Variants in SLC12A1 observed in about 807,000 individuals in gnomAD.
The protein encoded by SLC12A1 is solute carrier family 12 member 1.
SLC12A1 carries 89 observed loss-of-function variants against 130.4 expected under a neutral mutation model. The observed-to-expected ratio is 0.68, with a 90% CI of 0.58 to 0.81. SLC12A1 has a LOEUF of 0.81. Among genes scored for constraint, SLC12A1 ranks in the 40% least tolerant of loss-of-function variants. The pLI, the probability that SLC12A1 is intolerant of heterozygous loss-of-function variation, is 0.00. For synonymous variants in SLC12A1, 499 were observed against 460.0 expected (o/e 1.08, Z -1.09); for missense variants, 1,310 against 1,336.4 (o/e 0.98, Z 0.31).
chr15:48,285,718 A>G (rs2042049678), intron 21 of SLC12A1, among the ~76,000 whole-genome samples: 1 of 152,226 alleles, frequency 6.6e-6, no homozygotes, highest in Non-Finnish European at 1.5e-5. Context: ...ACCAGAATGC[A>G]CGACTTAGAA....
intron 24 of SLC12A1, among the ~76,000 whole-genome samples, chr15:48,297,960 T>C (rs2042195291): frequency 6.6e-6 from 1 of 152,262 alleles, no homozygotes; most frequent in Non-Finnish European, 1.5e-5. Flanking sequence ...ATCAGTCTTA[T>C]TCTTTCCCTG....
At chr15:48,293,084 T>G (rs1327223001) in intron 24 of SLC12A1, among the ~76,000 whole-genome samples, 2 of 151,754 alleles carry the variant, frequency 1.3e-5, no homozygotes, top group African/African-American at 2.4e-5. Flanking sequence ...CCTGGCTAAT[T>G]TTTTGGTAGA....
chr15:48,237,093 G>A, intron 9 of SLC12A1: 1 of 691,946 alleles, frequency 1.4e-6, no homozygotes, highest in Non-Finnish European at 2.6e-6. Flanking sequence ...AGAATCAAGT[G>A]CAAAGGAAAG....
At chr15:48,234,562 G>A (rs2041417487) in intron 8 of SLC12A1, among the ~76,000 whole-genome samples, 1 of 152,018 alleles carries the variant, frequency 6.6e-6, no homozygotes. Context: ...GGCCCACATG[G>A]TGAAACCCCA....
At chr15:48,247,054 C>A (rs1455541481) in intron 12 of SLC12A1, 38 bp downstream of exon 12, 16 of 1,436,748 alleles carry the variant, frequency 1.1e-5, no homozygotes, top group Non-Finnish European at 1.6e-5. Flanking sequence ...CTCCCTATTG[C>A]TATTTCCACA....
At chr15:48,273,100 C>CA (rs58343718) in intron 19 of SLC12A1, among the ~76,000 whole-genome samples, 3,948 of 81,748 alleles carry the variant, frequency 0.048, 124 homozygotes, top group East Asian at 0.11. Flanking sequence ...GTCAGACTGT[C>CA]AAAAAAAAAA....
rs758402841 is a variant in SLC12A1 at position 48,295,075 on chromosome 15, CTT to C, written c.2960+3226_2960+3227del. Among the ~76,000 whole-genome samples, 658 of 136,134 alleles carry C rather than the reference CTT, an allele frequency of 4.8e-3. 7 individuals carry two copies. In the Middle Eastern group the frequency reaches 0.049, roughly 10 times the overall value. The allele number at this position is 136,134 out of a possible 152,430, so 89.3% of individuals were successfully genotyped here. ...TACAGGCATGAGCCCCTATACCCAGCTTTTTTTTTTTTTTTTGTAAAGAAAAG... is the reference window on the plus strand; with the variant it reads ...TACAGGCATGAGCCCCTATACCCAGCTTTTTTTTTTTTTTGTAAAGAAAAG... On this transcript the variant is annotated intron_variant, in intron 24 of 26. Coordinates refer to ENST00000380993, the MANE Select transcript of SLC12A1 (RefSeq NM_000338.3).
chr15:48,289,644 G>T (rs1875602518), intron 23 of SLC12A1, among the ~76,000 whole-genome samples: 2 of 151,892 alleles, frequency 1.3e-5, no homozygotes, highest in African/African-American at 4.8e-5. Context: ...GTTGCTCCTA[G>T]GCTACAAATC....
chr15:48,213,879 T>C (rs1335230909), intron 2 of SLC12A1, among the ~76,000 whole-genome samples: 6 of 152,154 alleles, frequency 3.9e-5, no homozygotes, highest in African/African-American at 1.2e-4. Context: ...AAAGGAAATG[T>C]AGTCAAGTTA....
intron 18 of SLC12A1, among the ~76,000 whole-genome samples, chr15:48,269,310 C>T (rs1222457805): frequency 6.6e-6 from 1 of 152,148 alleles, no homozygotes; most frequent in African/African-American, 2.4e-5. Flanking sequence ...TGGAATTGAG[C>T]TTTGAACCAC....
Position 48,220,926 on chromosome 15 carries a change from A to G in SLC12A1, c.558A>G (p.Arg186=). The part of the protein sequence containing the change: ...KFGWVKGVLV[R]CMLNIWGVML... ...AATACCGCTTCTATCCACAGGTAAGATGCATGCTGAACATCTGGGGAGTCA... is the reference window on the plus strand; with the variant it reads ...AATACCGCTTCTATCCACAGGTAAGGTGCATGCTGAACATCTGGGGAGTCA... The change falls in exon 4 of 27, where the codon AGA becomes AGG. Residue 186 remains arginine, a synonymous_variant. Transcript: ENST00000380993. 6.2e-7 allele frequency: 1 copy of G among 1,614,000 alleles called. No homozygotes were observed. Among genetic ancestry groups the G allele is most frequent in the Non-Finnish European group, 8.5e-7 (1 of 1,179,874 alleles).
intron 13 of SLC12A1, among the ~76,000 whole-genome samples, chr15:48,248,266 C>CATAG (rs1304890561): frequency 1.3e-5 from 2 of 152,146 alleles, no homozygotes; most frequent in Non-Finnish European, 2.9e-5. Context: ...CATGAATCCT[C>CATAG]ATAGCATTTG....
intron 20 of SLC12A1, among the ~76,000 whole-genome samples, chr15:48,281,561 G>T (rs2042008415): frequency 6.6e-6 from 1 of 151,980 alleles, no homozygotes; most frequent in African/African-American, 2.4e-5. Context: ...GAGAGAAGAG[G>T]GATAAACACT....
chr15:48,302,839 T>C lies in SLC12A1; in HGVS notation c.3254T>C (p.Leu1085Ser), dbSNP rs2042251272. Residue 1085 changes from leucine (L) to serine (S), a missense_variant, in exon 27 of 27, where the codon TTA becomes TCA. Physicochemically the swap from Leu to Ser is moderately radical, Grantham distance 145 (BLOSUM62 -2). Coordinates refer to ENST00000380993, the MANE Select transcript of SLC12A1 (RefSeq NM_000338.3). Reference sequence around the variant, plus strand: ...CTCACAAAGAACCTCCCACCTGTCTTACTAGTTAGAGGAAATCACAAAAAT... The same window carrying C: ...CTCACAAAGAACCTCCCACCTGTCTCACTAGTTAGAGGAAATCACAAAAAT... ...EILTKNLPPV[L>S]LVRGNHKNVL... 6.2e-7 allele frequency: 1 copy of C among 1,612,918 alleles called. No homozygotes were observed. The highest frequency in any genetic ancestry group is 8.5e-7 in the Non-Finnish European group (1 of 1,179,008).
intron 20 of SLC12A1, among the ~76,000 whole-genome samples, chr15:48,283,434 G>A (rs2042027683): frequency 6.6e-6 from 1 of 152,194 alleles, no homozygotes; most frequent in South Asian, 2.1e-4. Context: ...TTCTGTCTCA[G>A]CTTTAATACC....
At chr15:48,276,223 C>T (rs2041951850) in intron 20 of SLC12A1, among the ~76,000 whole-genome samples, 1 of 152,162 alleles carries the variant, frequency 6.6e-6, no homozygotes, top group Non-Finnish European at 1.5e-5. Context: ...CAATTTCAAA[C>T]AATCTCCTCT....
chr15:48,227,472 C>T, intron 5 of SLC12A1: 1 of 363,262 alleles, frequency 2.8e-6, no homozygotes, highest in Non-Finnish European at 5.2e-6. Flanking sequence ...TTGGATGAGA[C>T]CCACTGGCTC....
At chr15:48,278,774 G>A (rs1040630282) in intron 20 of SLC12A1, among the ~76,000 whole-genome samples, 1 of 152,202 alleles carries the variant, frequency 6.6e-6, no homozygotes, top group African/African-American at 2.4e-5. Flanking sequence ...TGCTTTGTGT[G>A]TTATGTTGAT....
chr15:48,277,316 A>C (rs1329240954), intron 20 of SLC12A1, among the ~76,000 whole-genome samples: 1 of 152,130 alleles, frequency 6.6e-6, no homozygotes, highest in Admixed American at 6.5e-5. Context: ...AAAAAATTAA[A>C]AAATTTTTAA....
Sources: gnomAD v4.1 joint callset for allele counts (sites outside exome capture counted in the v4.1 genomes callset) on GRCh38, gnomAD v4.1.1 for gene constraint, MANE v1.5 for transcripts, NCBI Gene and HGNC (gene_info 2026-07-23, HGNC 2026-07-21) for gene names.